KCNQ5: variants seen among roughly 807,000 people sequenced by gnomAD.
KCNQ5 encodes the protein potassium voltage-gated channel subfamily KQT member 5.
In KCNQ5, 30 loss-of-function variants were observed where a neutral mutation model predicts 98.2. That is an observed-to-expected ratio of 0.31 (90% CI 0.23 to 0.41). KCNQ5 has a LOEUF of 0.41. KCNQ5 is among the 10% of genes least tolerant of loss of function. The pLI, the probability that KCNQ5 is intolerant of heterozygous loss-of-function variation, is 1.00. For synonymous variants in KCNQ5, 458 were observed against 449.4 expected (o/e 1.02, Z -0.24); for missense variants, 835 against 1,182.5 (o/e 0.71, Z 4.31).
At chr6:73,157,931 C>T (rs1357056379) in intron 10 of KCNQ5, 5 of 773,354 alleles carry the variant, frequency 6.5e-6, no homozygotes, top group Non-Finnish European at 1.2e-5. Context: ...TCAAAGATCA[C>T]AAAACAGGCT....
At chr6:73,006,980 G>T (rs1471779959) in intron 2 of KCNQ5, among the ~76,000 whole-genome samples, 3 of 152,026 alleles carry the variant, frequency 2.0e-5, no homozygotes. Flanking sequence ...CCACCTAATT[G>T]TTCCCTTGAG....
At chr6:73,001,628 T>A (rs777394042) in intron 1 of KCNQ5, among the ~76,000 whole-genome samples, 2 of 152,172 alleles carry the variant, frequency 1.3e-5, no homozygotes, top group Non-Finnish European at 2.9e-5. Flanking sequence ...GGAGGGAATA[T>A]CCAGATAAGG....
At chr6:73,059,464 T>A (rs150291793) in intron 3 of KCNQ5, among the ~76,000 whole-genome samples, 194 of 152,276 alleles carry the variant, frequency 1.3e-3, no homozygotes, top group Non-Finnish European at 2.3e-3. Flanking sequence ...TCAGGTACTA[T>A]GCTTTTTACC....
chr6:72,903,563 C>T (rs1238135070), intron 1 of KCNQ5, among the ~76,000 whole-genome samples: 1 of 151,978 alleles, frequency 6.6e-6, no homozygotes, highest in African/African-American at 2.4e-5. Context: ...ATTTTTTTAA[C>T]TTCTGTCTTG....
At chr6:72,632,935 G>T (rs1278206205) in intron 1 of KCNQ5, among the ~76,000 whole-genome samples, 1 of 151,918 alleles carries the variant, frequency 6.6e-6, no homozygotes, top group Non-Finnish European at 1.5e-5. Context: ...TATTTCCTTT[G>T]GGTATATACC....
chr6:73,176,053 G>T (rs995480247), intron 11 of KCNQ5, among the ~76,000 whole-genome samples: 1 of 152,194 alleles, frequency 6.6e-6, no homozygotes, highest in African/African-American at 2.4e-5. Flanking sequence ...GGAGAGTAAG[G>T]CTGAAGAGAA....
chr6:72,756,919 C>A (rs928200026), intron 1 of KCNQ5, among the ~76,000 whole-genome samples: 1 of 152,034 alleles, frequency 6.6e-6, no homozygotes, highest in African/African-American at 2.4e-5. Context: ...GTACTACATA[C>A]AAACGACATA....
intron 1 of KCNQ5, among the ~76,000 whole-genome samples, chr6:72,894,181 C>T (rs1353635028): frequency 6.6e-6 from 1 of 152,058 alleles, no homozygotes; most frequent in African/African-American, 2.4e-5. Context: ...TCAAATGAGT[C>T]AAAGCAATTA....
intron 10 of KCNQ5, among the ~76,000 whole-genome samples, chr6:73,165,801 C>T (rs561108238): frequency 1.3e-5 from 2 of 151,806 alleles, no homozygotes; most frequent in Non-Finnish European, 2.9e-5. Context: ...AAAAATTAGC[C>T]GTGTGTGGTG....
intron 1 of KCNQ5, among the ~76,000 whole-genome samples, chr6:72,656,219 G>T (rs1398843365): frequency 6.6e-6 from 1 of 152,006 alleles, no homozygotes; most frequent in African/African-American, 2.4e-5. Context: ...ATTTCACTGG[G>T]GACCCAGGAC....
intron 1 of KCNQ5, among the ~76,000 whole-genome samples, chr6:72,823,196 T>A (rs1024596169): frequency 5.3e-5 from 8 of 152,186 alleles, no homozygotes; most frequent in Non-Finnish European, 8.8e-5. Flanking sequence ...CATATTGCAT[T>A]GAAAATAAAC....
intron 1 of KCNQ5, among the ~76,000 whole-genome samples, chr6:72,671,349 C>T (rs749799232): frequency 5.3e-5 from 8 of 152,036 alleles, no homozygotes; most frequent in Non-Finnish European, 1.2e-4. Context: ...GTGTGGAAGG[C>T]GTAGATGTGT....
rs952772473 is a variant in KCNQ5, at chr6:73,083,574, A to G, written c.918+5687A>G. 3.9e-5 allele frequency among the ~76,000 whole-genome samples: 6 copies of G among 152,220 alleles called. No homozygotes were observed. The East Asian group carries it at 9.6e-4, about 24-fold the overall frequency. ...GCAAAAAAGATAAGGCAGAACCCCAATTGCAGAACACATTCTTCATCAAGA... is the reference window on the plus strand; with the variant it reads ...GCAAAAAAGATAAGGCAGAACCCCAGTTGCAGAACACATTCTTCATCAAGA... On this transcript the variant is annotated intron_variant, in intron 5 of 13. Coordinates refer to ENST00000370398, the MANE Select transcript of KCNQ5 (RefSeq NM_019842.4).
intron 10 of KCNQ5, among the ~76,000 whole-genome samples, chr6:73,141,496 A>G (rs1276064212): frequency 6.6e-6 from 1 of 152,220 alleles, no homozygotes; most frequent in African/African-American, 2.4e-5. Flanking sequence ...TGCTCTTTGT[A>G]TTATAGAACA....
chr6:72,729,950 C>T (rs1009320143), intron 1 of KCNQ5, among the ~76,000 whole-genome samples: 2 of 152,076 alleles, frequency 1.3e-5, no homozygotes, highest in Non-Finnish European at 1.5e-5. Flanking sequence ...CCTTTGAGGC[C>T]AGGAGTTTGA....
In KCNQ5 at chr6:73,105,008, T is replaced by G. The variant is rs1051156953; in HGVS notation, c.919-249T>G. Among the ~76,000 whole-genome samples the G allele has an allele frequency of 2.6e-5, 4 of 152,346 alleles. No individual in the cohort carries two copies. In the South Asian group the frequency reaches 8.3e-4, roughly 32 times the overall value. On this transcript the variant is annotated intron_variant, in intron 5 of 13. Coordinates refer to ENST00000370398, the MANE Select transcript of KCNQ5 (RefSeq NM_019842.4). ...TGGTTATCCACTTACTTAAATAATC[T>G]TTCCTTAAATACACTTAGAAAAGAC...
chr6:73,029,859 C>A (rs1164644930), intron 2 of KCNQ5, among the ~76,000 whole-genome samples: 3 of 129,646 alleles, frequency 2.3e-5, no homozygotes, highest in Admixed American at 1.0e-4. Context: ...TGCAGTGAGC[C>A]GAGATTGCGT....
chr6:73,128,860 T>C (rs1776104225), intron 9 of KCNQ5, among the ~76,000 whole-genome samples: 1 of 152,188 alleles, frequency 6.6e-6, no homozygotes, highest in Non-Finnish European at 1.5e-5. Context: ...CATTACACTC[T>C]TGTGCTGTGA....
At chr6:73,123,239 A>T (rs1562192284) in intron 8 of KCNQ5, among the ~76,000 whole-genome samples, 1 of 152,176 alleles carries the variant, frequency 6.6e-6, no homozygotes, top group Non-Finnish European at 1.5e-5. Flanking sequence ...TTAAGTGCTA[A>T]GGAGAAAAGT....
Sources: gnomAD v4.1 joint callset for allele counts (sites outside exome capture counted in the v4.1 genomes callset) on GRCh38, gnomAD v4.1.1 for gene constraint, MANE v1.5 for transcripts, NCBI Gene and HGNC (gene_info 2026-07-23, HGNC 2026-07-21) for gene names.